The following FGF2 variants were observed in gnomAD, a reference collection of about 807,000 sequenced individuals.
FGF2 encodes fibroblast growth factor 2.
FGF2 carries 13 observed loss-of-function variants against 15.9 expected under a neutral mutation model. That is an observed-to-expected ratio of 0.82 (90% CI 0.53 to 1.30). FGF2 has a LOEUF of 1.30. Among genes scored for constraint, FGF2 ranks in the 50% most tolerant of loss-of-function variants. The probability of loss-of-function intolerance (pLI) is 0.00; values close to 1 mark genes in which losing one functional copy is unlikely to be tolerated. For missense variants in FGF2, 163 were observed against 196.9 expected (o/e 0.83, Z 1.03); for synonymous variants, 90 against 78.4 (o/e 1.15, Z -0.78).
In FGF2 at chr4:122,893,216, G is replaced by T. The variant is rs112477231; in HGVS notation, c.*820G>T. ...AGTCTCTTCAAAAACTTCTCGAACCGCTGTGTCTCCTACGTAAAAAAAGAG... is the reference window on the plus strand; with the variant it reads ...AGTCTCTTCAAAAACTTCTCGAACCTCTGTGTCTCCTACGTAAAAAAAGAG... On this transcript the variant is annotated 3_prime_UTR_variant, in exon 3 of 3. Coordinates refer to ENST00000644866, the MANE Select transcript of FGF2 (RefSeq NM_001361665.2). The T allele has an allele frequency of 5.6e-6, 9 of 1,601,906 alleles. No individual in the cohort carries two copies. Among genetic ancestry groups the T allele is most frequent in the African/African-American group, 1.3e-5 (1 of 74,452 alleles).
chr4:122,858,776 A>G (rs1726393949), intron 1 of FGF2, among the ~76,000 whole-genome samples: 1 of 152,048 alleles, frequency 6.6e-6, no homozygotes, highest in Non-Finnish European at 1.5e-5. Context: ...GGTCTTCAGC[A>G]TTGGATTGGA....
chr4:122,850,259 C>T (rs1361545253), intron 1 of FGF2, among the ~76,000 whole-genome samples: 1 of 144,376 alleles, frequency 6.9e-6, no homozygotes, highest in Non-Finnish European at 1.5e-5. Context: ...GAGACTCTGT[C>T]TCAAAAAAAA....
intron 2 of FGF2, among the ~76,000 whole-genome samples, chr4:122,886,249 T>C (rs1322035772): frequency 1.3e-5 from 2 of 152,074 alleles, no homozygotes; most frequent in Non-Finnish European, 2.9e-5. Flanking sequence ...AGATAGGGAT[T>C]TGAGTGTTTG....
chr4:122,894,089 GTAGACTGTCTTACCA>G lies in FGF2; in HGVS notation c.*1708_*1722del, dbSNP rs1385988849. On this transcript the variant is annotated 3_prime_UTR_variant, in exon 3 of 3. Coordinates refer to ENST00000644866, the MANE Select transcript of FGF2 (RefSeq NM_001361665.2). The stretch of plus-strand genomic sequence containing the variant: ...GTCTCAATTCCCATGTGCTGTGACT[GTAGACTGTCTTACCA>G]TAGACTGTCTTACCCATCCCCTGGA... 1.3e-5 allele frequency: 2 copies of G among 152,248 alleles called. No individual in the cohort carries two copies. The highest frequency in any genetic ancestry group is 1.9e-4 in the East Asian group (1 of 5,204). 9.4% of individuals were successfully genotyped at this position (152,248 alleles called of 1,614,324 possible).
At chr4:122,889,704 A>G (rs1263211268) in intron 2 of FGF2, among the ~76,000 whole-genome samples, 1 of 152,140 alleles carries the variant, frequency 6.6e-6, no homozygotes, top group Non-Finnish European at 1.5e-5. Context: ...TTTTTTTCAA[A>G]AGTAGAAATA....
At chr4:122,870,969 A>C (rs546559805) in intron 1 of FGF2, among the ~76,000 whole-genome samples, 6 of 152,148 alleles carry the variant, frequency 3.9e-5, no homozygotes, top group Non-Finnish European at 4.4e-5. Flanking sequence ...TAGTGCTAAA[A>C]ATTTCCCTCT....
At chr4:122,850,004 G>C (rs1173877616) in intron 1 of FGF2, among the ~76,000 whole-genome samples, 1 of 152,220 alleles carries the variant, frequency 6.6e-6, no homozygotes, top group Non-Finnish European at 1.5e-5. Flanking sequence ...GCTCACGCCT[G>C]TAATCCCAGC....
chr4:122,865,668 C>CTT (rs1726559173), intron 1 of FGF2, among the ~76,000 whole-genome samples: 1 of 152,194 alleles, frequency 6.6e-6, no homozygotes. Context: ...AACATTTCTA[C>CTT]TTTAATACAT....
At position 122,894,183 on chromosome 4, in the gene FGF2, T is replaced by C. The variant is rs531941128; in HGVS notation, c.*1787T>C. ...TATGGAAAGATGCATAGAAAGAGTA[T>C]AATGTTTTAAAACATAAGGCATTTG... On this transcript the variant is annotated 3_prime_UTR_variant, in exon 3 of 3. Transcript: ENST00000644866. The C allele has an allele frequency of 1.4e-4, 22 of 152,352 alleles. No individual in the cohort carries two copies. Among genetic ancestry groups the C allele is most frequent in the Admixed American group, 8.5e-4 (13 of 15,306 alleles). The allele number at this position is 152,352 out of a possible 1,614,324, so 9.4% of individuals were successfully genotyped here.
At chr4:122,865,059 T>C (rs1365870579) in intron 1 of FGF2, among the ~76,000 whole-genome samples, 2 of 152,222 alleles carry the variant, frequency 1.3e-5, no homozygotes, top group Non-Finnish European at 2.9e-5. Flanking sequence ...TATTCAAATG[T>C]ACAGTTTTTA....
intron 1 of FGF2, among the ~76,000 whole-genome samples, chr4:122,853,424 A>G (rs1003729577): frequency 1.8e-4 from 27 of 152,256 alleles, no homozygotes; most frequent in African/African-American, 6.3e-4. Flanking sequence ...TGTATATTAT[A>G]AATATCTTAA....
intron 1 of FGF2, among the ~76,000 whole-genome samples, chr4:122,866,840 C>T (rs749456893): frequency 1.3e-5 from 2 of 152,106 alleles, no homozygotes; most frequent in Non-Finnish European, 2.9e-5. Context: ...GTATATACTC[C>T]CCCCAAAAGA....
intron 1 of FGF2, among the ~76,000 whole-genome samples, chr4:122,844,569 CTTTTTCTTTCTTT>C (rs1726063857): frequency 4.7e-5 from 6 of 128,938 alleles, no homozygotes; most frequent in Non-Finnish European, 7.9e-5. Flanking sequence ...TTCTTTCTTT[CTTTTTCTTTCTTT>C]CTTTCTTCCT....
intron 1 of FGF2, among the ~76,000 whole-genome samples, chr4:122,831,016 T>G (rs1578447128): frequency 6.6e-6 from 1 of 152,056 alleles, no homozygotes. Context: ...CCTGGGCTCT[T>G]TGCTACTGCA....
intron 1 of FGF2, among the ~76,000 whole-genome samples, chr4:122,843,740 A>G (rs1439159354): frequency 1.3e-5 from 2 of 152,236 alleles, no homozygotes; most frequent in South Asian, 2.1e-4. Flanking sequence ...CCTAATGCAT[A>G]TGAAAGCTAT....
chr4:122,865,317 G>GTT (rs1162864648), intron 1 of FGF2, among the ~76,000 whole-genome samples: 11 of 151,996 alleles, frequency 7.2e-5, no homozygotes, highest in Admixed American at 3.9e-4. Flanking sequence ...GTTGAGACAG[G>GTT]GTCTTCTCTG....
chr4:122,897,681 G>A lies in FGF2; in HGVS notation c.*5285G>A, dbSNP rs1339705271. 2 of 1,595,008 alleles carry A rather than the reference G, an allele frequency of 1.3e-6. No individual in the cohort carries two copies. Among genetic ancestry groups the A allele is most frequent in the South Asian group, 1.1e-5 (1 of 90,710 alleles). On this transcript the variant is annotated 3_prime_UTR_variant, in exon 3 of 3. Coordinates refer to ENST00000644866, the MANE Select transcript of FGF2 (RefSeq NM_001361665.2). ...GGAAACTTCCACATATTTTTCAACT[G>A]CAGTATAAAGTCAGAAAATAAAGTT...
rs552234349 is a variant in FGF2 at position 122,860,525 on chromosome 4, G to A, written c.179-15796G>A. Among the ~76,000 whole-genome samples, 14 of 136,772 alleles carry A rather than the reference G, an allele frequency of 1.0e-4. No homozygotes were observed. The East Asian group carries it at 3.4e-3, about 33-fold the overall frequency. The allele number at this position is 136,772 out of a possible 152,430, so 89.7% of individuals were successfully genotyped here. A position where few individuals can be genotyped will look rare whatever the true frequency, so the allele number is the denominator to read the frequency against. On this transcript the variant is annotated intron_variant, in intron 1 of 2. Transcript: ENST00000644866. ...GCTGAAGAGCAGTGGCCCAATCATGGTTCACTGCAACCTCCACCCACCCAG... is the reference window on the plus strand; with the variant it reads ...GCTGAAGAGCAGTGGCCCAATCATGATTCACTGCAACCTCCACCCACCCAG...
rs1033187945 is a variant in FGF2 at position 122,894,458 on chromosome 4, A to G, written c.*2062A>G. 2 of 152,106 alleles carry G rather than the reference A, an allele frequency of 1.3e-5. No individual in the cohort carries two copies. Among genetic ancestry groups the G allele is most frequent in the African/African-American group, 4.8e-5 (2 of 41,408 alleles). 9.4% of individuals were successfully genotyped at this position (152,106 alleles called of 1,614,324 possible). A position where few individuals can be genotyped will look rare whatever the true frequency, so the allele number is the denominator to read the frequency against. ...AATAGCCAGGCATGGTGGCGTGTACATGTGGTCTCAGATACTTGGGAGGCT... is the reference window on the plus strand; with the variant it reads ...AATAGCCAGGCATGGTGGCGTGTACGTGTGGTCTCAGATACTTGGGAGGCT... On this transcript the variant is annotated 3_prime_UTR_variant, in exon 3 of 3. Coordinates refer to ENST00000644866, the MANE Select transcript of FGF2 (RefSeq NM_001361665.2).
Sources: gnomAD v4.1 joint callset for allele counts (sites outside exome capture counted in the v4.1 genomes callset) on GRCh38, gnomAD v4.1.1 for gene constraint, MANE v1.5 for transcripts, NCBI Gene and HGNC (gene_info 2026-07-23, HGNC 2026-07-21) for gene names.